The following UPF2 variants were observed in gnomAD, a reference collection of about 807,000 sequenced individuals.
UPF2 encodes the protein regulator of nonsense transcripts 2.
A neutral mutation model predicts 141.4 loss-of-function variants in UPF2; 17 were observed. That is an observed-to-expected ratio of 0.12 (90% CI 0.08 to 0.18). UPF2 has a LOEUF of 0.18. Among genes scored for constraint, UPF2 ranks in the 10% least tolerant of loss-of-function variants. The pLI is 1.00. For synonymous variants in UPF2, 540 were observed against 498.0 expected (o/e 1.08, Z -1.12); for missense variants, 1,152 against 1,515.9 (o/e 0.76, Z 3.99).
In UPF2 at chr10:11,940,158, A is replaced by G. The variant is rs1832919573; in HGVS notation, c.3378+2507T>C. Reference sequence around the variant, plus strand: ...ATATAGAATTAAGTTTTTCTCCAGCACAAAAAGCACATCTCCTGCAAAAAT... The same window carrying G: ...ATATAGAATTAAGTTTTTCTCCAGCGCAAAAAGCACATCTCCTGCAAAAAT... On this transcript the variant is annotated intron_variant, in intron 18 of 21. Coordinates refer to ENST00000357604, the MANE Select transcript of UPF2 (RefSeq NM_015542.4). The surrounding 1 kb of genome is among the most constrained non-coding windows in gnomAD (Gnocchi z 4.2). 6.6e-6 allele frequency among the ~76,000 whole-genome samples: 1 copy of G among 152,222 alleles called. No individual in the cohort carries two copies. The highest frequency in any genetic ancestry group is 1.5e-5 in the Non-Finnish European group (1 of 68,054).
chr10:12,033,357 G>A (rs897388516), intron 2 of UPF2, among the ~76,000 whole-genome samples: 1 of 152,108 alleles, frequency 6.6e-6, no homozygotes, highest in Non-Finnish European at 1.5e-5. Context: ...GCAACATGGT[G>A]AAACTCTATC....
intron 3 of UPF2, among the ~76,000 whole-genome samples, chr10:12,023,392 C>T (rs1181743981): frequency 1.3e-5 from 2 of 151,182 alleles, no homozygotes; most frequent in African/African-American, 2.4e-5. Context: ...AAATAATATT[C>T]GGCTGGGCAT....
At chr10:12,021,379 A>AT (rs1554784159) in intron 3 of UPF2, among the ~76,000 whole-genome samples, 35 of 147,168 alleles carry the variant, frequency 2.4e-4, no homozygotes, top group Admixed American at 2.1e-4. Flanking sequence ...AAAAAAAAAA[A>AT]TTTTTTTAAA....
chr10:11,980,735 A>G lies in UPF2; in HGVS notation c.1845-1570T>C, dbSNP rs1334804411. The stretch of plus-strand genomic sequence containing the variant: ...GCAACAAGAGCGAAACTCCATCTCA[A>G]AAAAAGATTATTGCTGAGCACATCA... On this transcript the variant is annotated intron_variant, in intron 8 of 21. Coordinates refer to ENST00000357604, the MANE Select transcript of UPF2 (RefSeq NM_015542.4). This position sits in a 1 kb window ranked among gnomAD's most constrained non-coding sequence, Gnocchi z 4.2. Among the ~76,000 whole-genome samples the G allele has an allele frequency of 2.0e-5, 3 of 152,208 alleles. No homozygotes were observed. The highest frequency in any genetic ancestry group is 4.4e-5 in the Non-Finnish European group (3 of 68,050).
chr10:11,934,435 A>C (rs528972420), intron 19 of UPF2, among the ~76,000 whole-genome samples: 6 of 152,352 alleles, frequency 3.9e-5, no homozygotes, highest in African/African-American at 1.4e-4. Flanking sequence ...TGAAAGCACC[A>C]GGAGGCCTGG....
intron 2 of UPF2, among the ~76,000 whole-genome samples, chr10:12,029,759 CA>C (rs1345560394): frequency 6.6e-6 from 1 of 152,022 alleles, no homozygotes; most frequent in Non-Finnish European, 1.5e-5. Context: ...GTCAGGAGTT[CA>C]AGGCCAGCGT....
At chr10:11,951,858 A>C (rs1276139222) in intron 15 of UPF2, among the ~76,000 whole-genome samples, 1 of 152,200 alleles carries the variant, frequency 6.6e-6, no homozygotes, top group African/African-American at 2.4e-5. Context: ...CTGTCCTGCA[A>C]GTCCTGCTTA....
At chr10:12,041,012 G>A (rs1478756392) in intron 1 of UPF2, among the ~76,000 whole-genome samples, 1 of 152,066 alleles carries the variant, frequency 6.6e-6, no homozygotes, top group Non-Finnish European at 1.5e-5. Flanking sequence ...TAGTTTCCGT[G>A]GCTGGACCAA....
At chr10:11,957,329 T>G (rs1385285984) in intron 12 of UPF2, among the ~76,000 whole-genome samples, 1 of 151,652 alleles carries the variant, frequency 6.6e-6, no homozygotes, top group Admixed American at 6.6e-5. Context: ...CTAGGGTTGC[T>G]GAGGCAAGAG....
In UPF2 at chr10:11,938,853, G is replaced by GTTTTGTTTTT. The variant is rs1832889729; in HGVS notation, c.3379-2142_3379-2141insAAAAACAAAA. Among the ~76,000 whole-genome samples the GTTTTGTTTTT allele has an allele frequency of 3.8e-5, 3 of 79,834 alleles. No homozygotes were observed. The East Asian group carries it at 1.1e-3, about 28-fold the overall frequency. The allele number at this position is 79,834 out of a possible 152,430, so 52.4% of individuals were successfully genotyped here. On this transcript the variant is annotated intron_variant, in intron 18 of 21. Coordinates refer to ENST00000357604, the MANE Select transcript of UPF2 (RefSeq NM_015542.4). ...GTGGTCTTAAGCAAGTTTTTTTTTT[G>GTTTTGTTTTT]TTTTTTTTTTTTTTTTTTTTTTTTT...
At chr10:12,035,835 T>C (rs1346396081) in intron 1 of UPF2, 2 of 154,350 alleles carry the variant, frequency 1.3e-5, no homozygotes, top group Admixed American at 1.3e-4. Context: ...AACCCTAGCA[T>C]TTGACAACCA....
At chr10:12,034,136 T>G (rs1293547288) in intron 2 of UPF2, among the ~76,000 whole-genome samples, 4 of 152,166 alleles carry the variant, frequency 2.6e-5, no homozygotes, top group Non-Finnish European at 4.4e-5. Flanking sequence ...TAAGCTTCAT[T>G]TTGTTAATCT....
At chr10:12,009,836 G>T (rs1834098471) in intron 4 of UPF2, among the ~76,000 whole-genome samples, 2 of 152,190 alleles carry the variant, frequency 1.3e-5, no homozygotes, top group Non-Finnish European at 2.9e-5. Flanking sequence ...TGAACATTCA[G>T]CTGAGTACTG....
At chr10:11,961,047 A>AC in intron 11 of UPF2, among the ~76,000 whole-genome samples, 1 of 146,364 alleles carries the variant, frequency 6.8e-6, no homozygotes, top group Non-Finnish European at 1.5e-5. Context: ...CTATAATCAC[A>AC]CCACTGCACT....
chr10:12,027,509 A>G (rs913243884), intron 3 of UPF2, among the ~76,000 whole-genome samples: 1 of 152,260 alleles, frequency 6.6e-6, no homozygotes, highest in African/African-American at 2.4e-5. Context: ...AGAAGTATGA[A>G]TAAAGCACCA....
chr10:12,025,656 T>C (rs1834406726), intron 3 of UPF2, among the ~76,000 whole-genome samples: 1 of 152,192 alleles, frequency 6.6e-6, no homozygotes, highest in Admixed American at 6.5e-5. Flanking sequence ...AATAGTTCTG[T>C]AACAAATGGA....
At chr10:12,010,943 A>C (rs1230836997) in intron 4 of UPF2, among the ~76,000 whole-genome samples, 1 of 152,138 alleles carries the variant, frequency 6.6e-6, no homozygotes, top group Non-Finnish European at 1.5e-5. Context: ...TAAAGTACTG[A>C]AAGAAAAAAA....
At chr10:12,031,859 T>C (rs952823770) in intron 2 of UPF2, among the ~76,000 whole-genome samples, 6 of 152,204 alleles carry the variant, frequency 3.9e-5, no homozygotes, top group African/African-American at 1.4e-4. Context: ...ATAAGATAAT[T>C]ATTTGATTTT....
chr10:11,937,814 C>G (rs1347230583), intron 18 of UPF2, among the ~76,000 whole-genome samples: 1 of 152,072 alleles, frequency 6.6e-6, no homozygotes, highest in African/African-American at 2.4e-5. Flanking sequence ...TTTATTGTTT[C>G]TTTTTTAAGC....
Sources: allele counts gnomAD v4.1 joint callset (sites outside exome capture counted in the v4.1 genomes callset), GRCh38; gene constraint gnomAD v4.1.1; non-coding constraint Gnocchi (gnomAD v3.1); transcripts MANE v1.5; gene names NCBI Gene and HGNC (gene_info 2026-07-23, HGNC 2026-07-21).